The following DLG2 variants were observed in gnomAD, a reference collection of about 807,000 sequenced individuals.
The protein encoded by DLG2 is disks large homolog 2.
Under a neutral mutation model 132.5 loss-of-function variants are expected in DLG2, and 45 were observed. The ratio of observed to expected loss-of-function variants is 0.34; its 90% CI spans 0.27 to 0.44. The LOEUF is 0.44. DLG2 is among the 20% of genes least tolerant of loss of function. The pLI, the probability that DLG2 is intolerant of heterozygous loss-of-function variation, is 1.00. For missense variants in DLG2, 1,045 were observed against 1,196.9 expected (o/e 0.87, Z 1.87); for synonymous variants, 424 against 419.6 (o/e 1.01, Z -0.13).
chr11:84,634,564 T>G (rs1389047464), intron 6 of DLG2, among the ~76,000 whole-genome samples: 2 of 152,202 alleles, frequency 1.3e-5, no homozygotes, highest in East Asian at 3.9e-4. Context: ...ATTTTCTGTA[T>G]GTCACCTTCA....
Position 83,556,209 on chromosome 11 carries a change from T to C in DLG2, c.1941-14351A>G, listed in dbSNP as rs796448049. Among the ~76,000 whole-genome samples the C allele has an allele frequency of 1.1e-4, 17 of 152,116 alleles. 1 individual carries two copies. The highest frequency in any genetic ancestry group is 4.1e-4 in the African/African-American group (17 of 41,498). On this transcript the variant is annotated intron_variant, in intron 19 of 27. Coordinates refer to ENST00000376104, the MANE Select transcript of DLG2 (RefSeq NM_001142699.3). ...TCTCGTTCGAAGTTTGACACATTCA[T>C]AGAAAACAAGAGAAAGTTCCCAGGA...
At chr11:84,510,492 A>G (rs1453174282) in intron 7 of DLG2, among the ~76,000 whole-genome samples, 6 of 152,170 alleles carry the variant, frequency 3.9e-5, no homozygotes, top group Admixed American at 3.9e-4. Flanking sequence ...ACAGAACAAC[A>G]TAGTTGTACT....
chr11:83,987,492 A>G (rs192681053), intron 11 of DLG2, among the ~76,000 whole-genome samples: 1,726 of 152,282 alleles, frequency 0.011, 31 homozygotes, highest in African/African-American at 0.039. Flanking sequence ...CTGGTACCAA[A>G]ACAGAGATAT....
chr11:84,369,685 C>A (rs973146030), intron 7 of DLG2, among the ~76,000 whole-genome samples: 2 of 152,036 alleles, frequency 1.3e-5, no homozygotes, highest in East Asian at 3.9e-4. Flanking sequence ...TAAAAATATG[C>A]CCTTCTGAAA....
At chr11:84,882,968 C>T (rs1016294049) in intron 6 of DLG2, among the ~76,000 whole-genome samples, 10 of 151,996 alleles carry the variant, frequency 6.6e-5, no homozygotes, top group African/African-American at 2.2e-4. Flanking sequence ...GGTATATACC[C>T]AAAGGATTAT....
At chr11:83,995,112 C>A (rs1283194451) in intron 11 of DLG2, among the ~76,000 whole-genome samples, 1 of 151,650 alleles carries the variant, frequency 6.6e-6, no homozygotes, top group Non-Finnish European at 1.5e-5. Context: ...GGGGTTAAGA[C>A]ATCAACATCT....
intron 3 of DLG2, among the ~76,000 whole-genome samples, chr11:85,332,856 T>C (rs1225480043): frequency 1.3e-5 from 2 of 152,230 alleles, no homozygotes; most frequent in Non-Finnish European, 2.9e-5. Context: ...TACTGTAGAC[T>C]TGTAGTATAG....
chr11:84,664,481 A>T (rs2099697926), intron 6 of DLG2, among the ~76,000 whole-genome samples: 2 of 152,178 alleles, frequency 1.3e-5, no homozygotes, highest in Admixed American at 1.3e-4. Context: ...AGGTCAGGAC[A>T]TCAATTACAG....
intron 19 of DLG2, among the ~76,000 whole-genome samples, chr11:83,567,410 G>C (rs572639099): frequency 6.6e-6 from 1 of 152,090 alleles, no homozygotes; most frequent in Non-Finnish European, 1.5e-5. Flanking sequence ...ACCTGGTTTT[G>C]CCTCTACCAT....
chr11:84,047,486 A>G (rs72949864), intron 11 of DLG2, among the ~76,000 whole-genome samples: 2,544 of 151,756 alleles, frequency 0.017, 26 homozygotes, highest in Non-Finnish European at 0.025. Context: ...TATTTACCAC[A>G]GCAGCATTTT....
intron 5 of DLG2, among the ~76,000 whole-genome samples, chr11:85,138,704 G>A (rs753468230): frequency 6.6e-6 from 1 of 151,830 alleles, no homozygotes; most frequent in Non-Finnish European, 1.5e-5. Context: ...GATCTGATGG[G>A]TTTATCAGGG....
intron 6 of DLG2, among the ~76,000 whole-genome samples, chr11:84,874,127 C>A (rs2085937694): frequency 6.6e-6 from 1 of 152,160 alleles, no homozygotes; most frequent in South Asian, 2.1e-4. Flanking sequence ...CCACCACTGG[C>A]AGGTGTCTTA....
intron 6 of DLG2, among the ~76,000 whole-genome samples, chr11:85,093,543 T>G (rs748112519): frequency 2.6e-5 from 4 of 152,172 alleles, no homozygotes; most frequent in Non-Finnish European, 5.9e-5. Context: ...AGAAGTTTAA[T>G]GTACTCATAG....
chr11:85,334,677 C>A (rs894576991), intron 3 of DLG2, among the ~76,000 whole-genome samples: 2 of 152,028 alleles, frequency 1.3e-5, no homozygotes, highest in African/African-American at 4.8e-5. Flanking sequence ...TAATTTCATT[C>A]TTTACCCAAT....
At chr11:84,642,279 C>G (rs1244431411) in intron 6 of DLG2, among the ~76,000 whole-genome samples, 1 of 151,672 alleles carries the variant, frequency 6.6e-6, no homozygotes, top group East Asian at 2.0e-4. Flanking sequence ...AGTAACACAG[C>G]AAAGTCCTGA....
At chr11:83,991,540 TTC>T (rs150647302) in intron 11 of DLG2, among the ~76,000 whole-genome samples, 3 of 151,680 alleles carry the variant, frequency 2.0e-5, no homozygotes, top group Admixed American at 6.6e-5. Flanking sequence ...TTTTCTTTTT[TTC>T]TCTCTCTCTC....
chr11:83,812,065 C>A (rs561470649), intron 17 of DLG2, among the ~76,000 whole-genome samples: 1 of 152,036 alleles, frequency 6.6e-6, no homozygotes, highest in Non-Finnish European at 1.5e-5. Flanking sequence ...TCATCAACAC[C>A]CTTTACTAGT....
Position 84,909,618 on chromosome 11 carries a change from T to C in DLG2, c.357+202043A>G, listed in dbSNP as rs951376012. Among the ~76,000 whole-genome samples the C allele has an allele frequency of 7.2e-5, 11 of 152,354 alleles. No homozygotes were observed. The East Asian group carries it at 1.3e-3, about 19-fold the overall frequency. On this transcript the variant is annotated intron_variant, in intron 6 of 27. Transcript: ENST00000376104. ...CATCTACGGCCCAATTATGTACTAC[T>C]GCTCTTTTGACCCATTTTGATAGGT... is the stretch of plus-strand genomic sequence containing the variant.
At position 85,003,540 on chromosome 11, in the gene DLG2, C is replaced by T. The variant is rs181460637; in HGVS notation, c.357+108121G>A. On this transcript the variant is annotated intron_variant, in intron 6 of 27. Transcript: ENST00000376104. The stretch of plus-strand genomic sequence containing the variant: ...CTTAAGTCATTTAATCTTATGCATA[C>T]GTAAATAATACAAAAATAATTTAAT... Among the ~76,000 whole-genome samples the T allele has an allele frequency of 2.1e-3, 321 of 152,054 alleles. 1 individual carries two copies. Among genetic ancestry groups the T allele is most frequent in the Non-Finnish European group, 3.3e-3 (224 of 67,972 alleles).
Sources: gnomAD v4.1 joint callset for allele counts (sites outside exome capture counted in the v4.1 genomes callset) on GRCh38, gnomAD v4.1.1 for gene constraint, MANE v1.5 for transcripts, NCBI Gene and HGNC (gene_info 2026-07-23, HGNC 2026-07-21) for gene names.